TTC29: variants seen among roughly 807,000 people sequenced by gnomAD.
TTC29 encodes the protein tetratricopeptide repeat domain 29.
TTC29 carries 49 observed loss-of-function variants against 58.1 expected under a neutral mutation model. The observed-to-expected ratio is 0.84, with a 90% confidence interval of 0.67 to 1.07. The LOEUF is 1.07. TTC29 is among the 50% of genes least tolerant of loss of function. TTC29 has a pLI of 0.00. For synonymous variants in TTC29, 209 were observed against 196.8 expected (o/e 1.06, Z -0.52); for missense variants, 582 against 555.6 (o/e 1.05, Z -0.48).
chr4:146,825,113 G>T (rs1469040474), intron 9 of TTC29, among the ~76,000 whole-genome samples: 1 of 151,788 alleles, frequency 6.6e-6, no homozygotes, highest in Non-Finnish European at 1.5e-5. Flanking sequence ...CAATTCTTCT[G>T]TGATGTTAGT....
At chr4:146,769,033 G>T (rs957264539) in intron 11 of TTC29, among the ~76,000 whole-genome samples, 1 of 151,888 alleles carries the variant, frequency 6.6e-6, no homozygotes, top group East Asian at 1.9e-4. Flanking sequence ...TCAGCATTGG[G>T]CTCTCTTATT....
chr4:146,811,217 T>C (rs1164538811), intron 10 of TTC29, among the ~76,000 whole-genome samples: 2 of 152,196 alleles, frequency 1.3e-5, no homozygotes, highest in Non-Finnish European at 2.9e-5. Context: ...ATGGCTCTTA[T>C]GAAGCATGGG....
chr4:146,865,781 T>C (rs1730524223), intron 8 of TTC29, among the ~76,000 whole-genome samples: 1 of 152,176 alleles, frequency 6.6e-6, no homozygotes, highest in Admixed American at 6.6e-5. Flanking sequence ...GAGGTTAATA[T>C]GGGAGGTGAT....
At chr4:146,788,796 T>G (rs1397727951) in intron 11 of TTC29, among the ~76,000 whole-genome samples, 1 of 152,068 alleles carries the variant, frequency 6.6e-6, no homozygotes, top group East Asian at 1.9e-4. Context: ...ATTTCAACCA[T>G]CGAAGGTAGG....
At chr4:146,754,760 G>C (rs1400660024) in intron 11 of TTC29, among the ~76,000 whole-genome samples, 3 of 151,444 alleles carry the variant, frequency 2.0e-5, no homozygotes, top group Admixed American at 6.6e-5. Flanking sequence ...GTGTATAGAA[G>C]GAAAGTAGCT....
At chr4:146,903,850 A>T in intron 5 of TTC29, 121 bp from the exon 6 acceptor site, 1 of 678,996 alleles carries the variant, frequency 1.5e-6, no homozygotes. Context: ...TACCAATTTT[A>T]AAAATTGGGT....
At chr4:146,807,872 C>T (rs1750722435) in intron 10 of TTC29, among the ~76,000 whole-genome samples, 1 of 152,154 alleles carries the variant, frequency 6.6e-6, no homozygotes, top group Admixed American at 6.5e-5. Context: ...AGAGGGACTT[C>T]TCCCTAATTC....
At chr4:146,755,002 C>T (rs577921845) in intron 11 of TTC29, among the ~76,000 whole-genome samples, 8 of 151,888 alleles carry the variant, frequency 5.3e-5, no homozygotes, top group African/African-American at 1.9e-4. Flanking sequence ...GTGAAAAACC[C>T]ACAAAAGAAT....
At chr4:146,718,989 C>A (rs369543899) in intron 11 of TTC29, among the ~76,000 whole-genome samples, 2 of 152,034 alleles carry the variant, frequency 1.3e-5, no homozygotes, top group Non-Finnish European at 2.9e-5. Flanking sequence ...ATTCTTGGCA[C>A]CTTTCTTGAA....
At chr4:146,829,496 T>C (rs764325941) in intron 9 of TTC29, among the ~76,000 whole-genome samples, 1 of 152,116 alleles carries the variant, frequency 6.6e-6, no homozygotes, top group African/African-American at 2.4e-5. Flanking sequence ...ATAAGGCAAA[T>C]GGGATCAGTG....
At chr4:146,882,273 A>G (rs1263252762) in intron 6 of TTC29, among the ~76,000 whole-genome samples, 1 of 152,126 alleles carries the variant, frequency 6.6e-6, no homozygotes, top group Non-Finnish European at 1.5e-5. Context: ...AGTTGGTTTC[A>G]ATCTAAGTTT....
intron 10 of TTC29, chr4:146,812,734 G>A (rs999506397): frequency 6.6e-6 from 1 of 152,124 alleles, no homozygotes; most frequent in Non-Finnish European, 1.5e-5. Context: ...ATTATTTTAA[G>A]ATGCAAACAT....
rs1561066766 is a variant in TTC29, at chr4:146,728,849, A to ATATATATATG, written c.1331-21299_1331-21298insCATATATATA. ...TACATATATATACACATATATATGT[A>ATATATATATG]TATATATACACATATATATGTGTGT... On this transcript the variant is annotated intron_variant, in intron 11 of 12. Coordinates refer to ENST00000325106, the MANE Select transcript of TTC29 (RefSeq NM_031956.4). Among the ~76,000 whole-genome samples the ATATATATATG allele has an allele frequency of 8.6e-3, 467 of 54,410 alleles. 55 individuals carry two copies. Among genetic ancestry groups the ATATATATATG allele is most frequent in the Middle Eastern group, 0.025 (2 of 80 alleles). 35.7% of individuals were successfully genotyped at this position (54,410 alleles called of 152,430 possible).
chr4:146,721,535 T>C (rs1018386575), intron 11 of TTC29, among the ~76,000 whole-genome samples: 3 of 152,206 alleles, frequency 2.0e-5, no homozygotes, highest in Non-Finnish European at 4.4e-5. Context: ...TAGTGTTTTC[T>C]GAGTGAACAG....
At chr4:146,759,887 G>A (rs1388141038) in intron 11 of TTC29, among the ~76,000 whole-genome samples, 1 of 152,010 alleles carries the variant, frequency 6.6e-6, no homozygotes, top group East Asian at 1.9e-4. Flanking sequence ...AGAAAAGGAT[G>A]CCCACTCTCA....
chr4:146,832,178 T>A (rs1229817863), intron 9 of TTC29, among the ~76,000 whole-genome samples: 1 of 60,776 alleles, frequency 1.6e-5, no homozygotes, highest in Non-Finnish European at 2.9e-5. Context: ...AATCCAATCT[T>A]TTTTTGCTGA....
At chr4:146,772,969 CTT>C (rs1290751297) in intron 11 of TTC29, among the ~76,000 whole-genome samples, 2 of 151,872 alleles carry the variant, frequency 1.3e-5, no homozygotes, top group Non-Finnish European at 2.9e-5. Context: ...GTATTTTATT[CTT>C]TTTGTGGCTA....
chr4:146,840,657 G>A (rs1579804618), intron 8 of TTC29, among the ~76,000 whole-genome samples: 1 of 152,162 alleles, frequency 6.6e-6, no homozygotes, highest in African/African-American at 2.4e-5. Flanking sequence ...TGCAGCCTAC[G>A]TTGTATTTGG....
intron 10 of TTC29, among the ~76,000 whole-genome samples, chr4:146,816,637 A>C (rs1255371894): frequency 6.6e-6 from 1 of 152,046 alleles, no homozygotes; most frequent in African/African-American, 2.4e-5. Flanking sequence ...GGCAGGGAGA[A>C]GAAGGGCCAG....
Sources: allele counts gnomAD v4.1 joint callset (sites outside exome capture counted in the v4.1 genomes callset), GRCh38; gene constraint gnomAD v4.1.1; transcripts MANE v1.5; gene names NCBI Gene and HGNC (gene_info 2026-07-23, HGNC 2026-07-21).